The following PHLPP1 variants were observed in gnomAD, a reference collection of about 807,000 sequenced individuals.
PHLPP1 encodes the protein PH domain leucine-rich repeat-containing protein phosphatase 1.
Under a neutral mutation model 117.2 loss-of-function variants are expected in PHLPP1, and 42 were observed. That is an observed-to-expected ratio of 0.36 (90% CI 0.28 to 0.46). The LOEUF (loss-of-function observed/expected upper bound fraction) is 0.46. PHLPP1 is among the 20% of genes least tolerant of loss of function. PHLPP1 has a pLI of 1.00. For synonymous variants in PHLPP1, 1,042 were observed against 970.7 expected, an observed-to-expected ratio of 1.07 and a Z score of -1.37; for missense variants, 2,084 against 2,241.9, an observed-to-expected ratio of 0.93 and a Z score of 1.42.
At chr18:62,835,240 G>C (rs564360627) in intron 2 of PHLPP1, among the ~76,000 whole-genome samples, 79 of 143,546 alleles carry the variant, frequency 5.5e-4, no homozygotes, top group African/African-American at 2.0e-3. Flanking sequence ...TCTGTCTCTT[G>C]TCACGCAGGC....
intron 4 of PHLPP1, among the ~76,000 whole-genome samples, chr18:62,879,731 A>C (rs1050450694): frequency 1.3e-5 from 2 of 152,170 alleles, no homozygotes; most frequent in African/African-American, 4.8e-5. Flanking sequence ...AGCAACACAA[A>C]ATAGACTAAG....
intron 3 of PHLPP1, among the ~76,000 whole-genome samples, chr18:62,850,513 A>G (rs1480891435): frequency 1.3e-5 from 2 of 152,152 alleles, no homozygotes; most frequent in Non-Finnish European, 2.9e-5. Context: ...TCCTTTGTCA[A>G]GGCGATGACA....
intron 2 of PHLPP1, among the ~76,000 whole-genome samples, chr18:62,830,765 A>G (rs1914737333): frequency 6.6e-6 from 1 of 152,182 alleles, no homozygotes; most frequent in Non-Finnish European, 1.5e-5. Flanking sequence ...TACCTACTGG[A>G]CAGAAAATAG....
rs1479193886 is a variant in PHLPP1, at chr18:62,717,237, C to T, written c.1554C>T (p.Gly518=). ...VQEEGMDSEI[G]CLIRFYAGKP... ...AGGAAGGCATGGACTCGGAGATTGGCTGCCTCATCCGCTTCTATGCAGGTA... is the reference window on the plus strand; with the variant it reads ...AGGAAGGCATGGACTCGGAGATTGGTTGCCTCATCCGCTTCTATGCAGGTA... Residue 518 remains glycine, a synonymous_variant, in exon 1 of 17, where the codon GGC becomes GGT. Coordinates refer to ENST00000262719, the MANE Select transcript of PHLPP1 (RefSeq NM_194449.4). The T allele has an allele frequency of 2.5e-6, 4 of 1,596,050 alleles. No homozygotes were observed. The highest frequency in any genetic ancestry group is 3.4e-6 in the Non-Finnish European group (4 of 1,169,032).
intron 3 of PHLPP1, among the ~76,000 whole-genome samples, chr18:62,856,112 C>T (rs1422442625): frequency 3.3e-5 from 5 of 152,278 alleles, no homozygotes; most frequent in South Asian, 2.1e-4. Context: ...CCTGCCAACA[C>T]GGAGGGCTGA....
At chr18:62,799,047 C>A (rs918586963) in intron 1 of PHLPP1, among the ~76,000 whole-genome samples, 1 of 152,150 alleles carries the variant, frequency 6.6e-6, no homozygotes, top group Admixed American at 6.5e-5. Context: ...TTGAATTTCC[C>A]ATCCTTCCTC....
At position 62,978,368 on chromosome 18, in the gene PHLPP1, C is replaced by T. The variant is rs368280280; in HGVS notation, c.4091C>T (p.Pro1364Leu). 2.8e-5 allele frequency: 45 copies of T among 1,612,550 alleles called. No homozygotes were observed. Among genetic ancestry groups the T allele is most frequent in the Non-Finnish European group, 3.6e-5 (43 of 1,179,236 alleles). Residue 1364 changes from proline (P) to leucine (L), a missense_variant, in exon 17 of 17, where the codon CCC becomes CTC. Around this residue, in one of 2 missense-constraint regions of PHLPP1, gnomAD observed 1,365 missense variants for 1,605.9 expected, o/e 0.85. Coordinates refer to ENST00000262719, the MANE Select transcript of PHLPP1 (RefSeq NM_194449.4). This position sits in a 1 kb window ranked among gnomAD's most constrained non-coding sequence, Gnocchi z 7.0. ...RPHVQSVLLT[P>L]QDEFFILGSK... ...CACGTGCAGTCCGTGCTCCTGACTC[C>T]CCAGGATGAGTTCTTCATCCTAGGC...
chr18:62,865,251 A>T (rs1033313665), intron 4 of PHLPP1, among the ~76,000 whole-genome samples: 1 of 152,200 alleles, frequency 6.6e-6, no homozygotes, highest in Non-Finnish European at 1.5e-5. Context: ...GCTTGATCCC[A>T]GTAGTTTGAG....
chr18:62,963,234 G>T, intron 13 of PHLPP1, 134 bp from the exon 14 acceptor site: 1 of 590,596 alleles, frequency 1.7e-6, no homozygotes. Context: ...AAGTATTTCA[G>T]ACACATTAAA....
intron 3 of PHLPP1, chr18:62,842,961 C>T (rs1427334523): frequency 1.3e-5 from 2 of 152,116 alleles, no homozygotes; most frequent in African/African-American, 2.4e-5. Flanking sequence ...ACTAGAATCT[C>T]GCTCCATTTG....
chr18:62,715,715 G>C lies in PHLPP1; in HGVS notation c.32G>C (p.Arg11Pro). ...CCCGCCGCCGCGGCCACGGTACAGC[G>C]ACTCCCCGAGCTCGGCAGGGAGGAC... MEPAAAATVQRLPELGREDRA... is the reference protein window; with the variant it reads MEPAAAATVQPLPELGREDRA... The change falls in exon 1 of 17, where the codon CGA becomes CCA. Residue 11 changes from arginine (R) to proline (P), a missense_variant. Coordinates refer to ENST00000262719, the MANE Select transcript of PHLPP1 (RefSeq NM_194449.4). The C allele has an allele frequency of 7.9e-7, 1 of 1,270,872 alleles. No individual in the cohort carries two copies. The allele number at this position is 1,270,872 out of a possible 1,614,324, so 78.7% of individuals were successfully genotyped here. A position where few individuals can be genotyped will look rare whatever the true frequency, so the allele number is the denominator to read the frequency against.
At chr18:62,832,980 T>G (rs1914796260) in intron 2 of PHLPP1, among the ~76,000 whole-genome samples, 1 of 152,208 alleles carries the variant, frequency 6.6e-6, no homozygotes. Context: ...ATTTAGTTAT[T>G]GAAAGAGTAT....
At chr18:62,766,076 A>AAAAAATATATATATATATATATAT in intron 1 of PHLPP1, among the ~76,000 whole-genome samples, 5 of 21,652 alleles carry the variant, frequency 2.3e-4, no homozygotes, top group Admixed American at 7.9e-4. Context: ...AAAAAAAAAA[A>AAAAAATATATATATATATATATAT]ATATATATAT....
rs1188755761 is a variant in PHLPP1, at chr18:62,980,043, T to C, written c.*612T>C. 2.6e-5 allele frequency: 4 copies of C among 152,792 alleles called. No individual in the cohort carries two copies. Among genetic ancestry groups the C allele is most frequent in the African/African-American group, 9.7e-5 (4 of 41,422 alleles). 9.5% of individuals were successfully genotyped at this position (152,792 alleles called of 1,614,324 possible). ...TAGCTCAGTGTTGTATAGTGAGGCT[T>C]ACGATGTTTTGTAGTCTTGGCGTAA... is the stretch of plus-strand genomic sequence containing the variant. On this transcript the variant is annotated 3_prime_UTR_variant, in exon 17 of 17. Coordinates refer to ENST00000262719, the MANE Select transcript of PHLPP1 (RefSeq NM_194449.4).
intron 1 of PHLPP1, among the ~76,000 whole-genome samples, chr18:62,827,262 C>T (rs945741960): frequency 1.3e-5 from 2 of 152,114 alleles, no homozygotes; most frequent in African/African-American, 4.8e-5. Context: ...GTAAAAATGC[C>T]TTAAGCCTGT....
rs968412992 is a variant in PHLPP1, at chr18:62,880,614, A to G, written c.2067-14397A>G. On this transcript the variant is annotated intron_variant, in intron 4 of 16. Transcript: ENST00000262719. Reference sequence around the variant, plus strand: ...CAATTAATGGGCTAACTATGGGCAGATATGTTGGTGAGAAAATGAAAAAAA... The same window carrying G: ...CAATTAATGGGCTAACTATGGGCAGGTATGTTGGTGAGAAAATGAAAAAAA... Among the ~76,000 whole-genome samples the G allele has an allele frequency of 2.0e-5, 3 of 151,846 alleles. No individual in the cohort carries two copies. In the East Asian group the frequency reaches 5.8e-4, roughly 29 times the overall value.
At chr18:62,770,854 G>A (rs1220687148) in intron 1 of PHLPP1, among the ~76,000 whole-genome samples, 2 of 152,100 alleles carry the variant, frequency 1.3e-5, no homozygotes, top group East Asian at 3.9e-4. Context: ...ATAGTCTGAA[G>A]GTAATTTTAT....
intron 12 of PHLPP1, among the ~76,000 whole-genome samples, chr18:62,953,890 T>C (rs1910538836): frequency 6.6e-6 from 1 of 152,160 alleles, no homozygotes. Flanking sequence ...TGTTACAGAA[T>C]CTAGCAGCCG....
intron 1 of PHLPP1, among the ~76,000 whole-genome samples, chr18:62,735,588 CAACAACAACAACAACAAA>C (rs1465342054): frequency 2.0e-5 from 3 of 152,164 alleles, no homozygotes; most frequent in East Asian, 3.9e-4. Context: ...ACAACAACAA[CAACAACAACAACAACAAA>C]ACCAGTTGAC....
Sources: allele counts gnomAD v4.1 joint callset (sites outside exome capture counted in the v4.1 genomes callset), GRCh38; gene constraint gnomAD v4.1.1; regional missense constraint gnomAD v4.1.1; non-coding constraint Gnocchi (gnomAD v3.1); transcripts MANE v1.5; gene names NCBI Gene and HGNC (gene_info 2026-07-23, HGNC 2026-07-21).